The following RYR3 variants were observed in gnomAD, a reference collection of about 807,000 sequenced individuals.
RYR3 encodes the protein ryanodine receptor 3.
RYR3 carries 207 observed loss-of-function variants against 584.3 expected under a neutral mutation model. The observed-to-expected ratio is 0.35, with a 90% CI of 0.32 to 0.40. The LOEUF is 0.40. RYR3 is among the 10% of genes least tolerant of loss of function. The pLI, the probability that RYR3 is intolerant of heterozygous loss-of-function variation, is 1.00. For missense variants in RYR3, 5,616 were observed against 6,089.2 expected, an observed-to-expected ratio of 0.92 and a Z score of 2.59; for synonymous variants, 2,416 against 2,248.5, an observed-to-expected ratio of 1.07 and a Z score of -2.11.
At chr15:33,612,794 G>A (rs1567663321) in intron 18 of RYR3, among the ~76,000 whole-genome samples, 1 of 152,164 alleles carries the variant, frequency 6.6e-6, no homozygotes, top group African/African-American at 2.4e-5. Flanking sequence ...CAACTAAACA[G>A]ACACACACAC....
intron 75 of RYR3, among the ~76,000 whole-genome samples, chr15:33,817,930 A>G (rs891380649): frequency 1.3e-5 from 2 of 152,204 alleles, no homozygotes; most frequent in African/African-American, 4.8e-5. Flanking sequence ...TACCTCTGAC[A>G]TTAGCTGTTA....
chr15:33,610,639 T>A lies in RYR3; in HGVS notation c.2165-2544T>A, dbSNP rs115965924. On this transcript the variant is annotated intron_variant, in intron 18 of 103. Transcript: ENST00000634891. ...ACCATTTAAAAATTCACCACTTAGT[T>A]TAGAATCTGTTATAGGTTGAGTATC... is the stretch of plus-strand genomic sequence containing the variant. Among the ~76,000 whole-genome samples the A allele has an allele frequency of 9.4e-3, 1,439 of 152,340 alleles. 26 individuals are homozygous for A. The highest frequency in any genetic ancestry group is 0.032 in the African/African-American group (1,349 of 41,572).
intron 1 of RYR3, among the ~76,000 whole-genome samples, chr15:33,338,489 C>T (rs923870522): frequency 6.6e-6 from 1 of 152,062 alleles, no homozygotes; most frequent in Non-Finnish European, 1.5e-5. Flanking sequence ...GTCAGATGTG[C>T]GTTTGTGTCT....
chr15:33,590,987 A>G (rs892832627), intron 16 of RYR3, among the ~76,000 whole-genome samples: 1 of 152,202 alleles, frequency 6.6e-6, no homozygotes, highest in Non-Finnish European at 1.5e-5. Context: ...TTGAGGTCAA[A>G]AAGTTATAGG....
intron 36 of RYR3, among the ~76,000 whole-genome samples, chr15:33,667,246 AG>A (rs2063538275): frequency 6.6e-6 from 1 of 152,212 alleles, no homozygotes; most frequent in Non-Finnish European, 1.5e-5. Context: ...ATCCTGGCTG[AG>A]GCAGCAAAAT....
At chr15:33,738,401 G>T in intron 49 of RYR3, 49 bp from the exon 50 acceptor site, 1 of 1,563,862 alleles carries the variant, frequency 6.4e-7, no homozygotes, top group Middle Eastern at 1.8e-4. Flanking sequence ...GATGCCTGTG[G>T]ACTTTCTCTA....
At chr15:33,344,414 T>TAC (rs1972188975) in intron 1 of RYR3, among the ~76,000 whole-genome samples, 1 of 152,228 alleles carries the variant, frequency 6.6e-6, no homozygotes, top group African/African-American at 2.4e-5. Context: ...TGGGTATATA[T>TAC]ACACATTGAC....
intron 46 of RYR3, 130 bp downstream of exon 46, chr15:33,726,636 ACT>A (rs767985921): frequency 1.7e-5 from 16 of 953,462 alleles, no homozygotes; most frequent in Non-Finnish European, 2.4e-5. Context: ...CAAGTGTCTC[ACT>A]CTTTTTCCTG....
At chr15:33,385,202 G>A (rs1352807575) in intron 1 of RYR3, among the ~76,000 whole-genome samples, 1 of 152,124 alleles carries the variant, frequency 6.6e-6, no homozygotes, top group Non-Finnish European at 1.5e-5. Flanking sequence ...GATGCTGCGT[G>A]ATTAGTTAAT....
At chr15:33,402,623 ATTAAAC>A (rs1384882731) in intron 1 of RYR3, among the ~76,000 whole-genome samples, 3 of 152,230 alleles carry the variant, frequency 2.0e-5, no homozygotes, top group Non-Finnish European at 4.4e-5. Context: ...AACTTCACAT[ATTAAAC>A]AGCTTGGCTA....
intron 1 of RYR3, among the ~76,000 whole-genome samples, chr15:33,331,174 C>T (rs939883576): frequency 6.6e-6 from 1 of 152,096 alleles, no homozygotes; most frequent in Non-Finnish European, 1.5e-5. Context: ...CTAAAGTTAA[C>T]TTTTTTCTCG....
intron 43 of RYR3, among the ~76,000 whole-genome samples, chr15:33,718,934 G>A (rs2067697760): frequency 6.6e-6 from 1 of 152,148 alleles, no homozygotes; most frequent in Non-Finnish European, 1.5e-5. Context: ...GGCAAAACTA[G>A]TTTACCTCAA....
Position 33,628,521 on chromosome 15 carries a change from C to T in RYR3, c.2625C>T (p.Asn875=), listed in dbSNP as rs1229032104. ...LEKIRDRLAE[N]IHELWGMNKI... is the part of the protein sequence containing the mutation. ...AGATCCGAGACAGACTAGCTGAAAA[C>T]ATCCATGAGCTTTGGGGAATGAATA... Residue 875 remains asparagine, a synonymous_variant, in exon 21 of 104, where the codon AAC becomes AAT. Coordinates refer to ENST00000634891, the MANE Select transcript of RYR3 (RefSeq NM_001036.6). 6.2e-7 allele frequency: 1 copy of T among 1,613,800 alleles called. No individual in the cohort carries two copies. The highest frequency in any genetic ancestry group is 8.5e-7 in the Non-Finnish European group (1 of 1,179,728).
intron 3 of RYR3, among the ~76,000 whole-genome samples, chr15:33,505,429 T>C (rs1340094878): frequency 6.6e-6 from 1 of 152,252 alleles, no homozygotes; most frequent in African/African-American, 2.4e-5. Context: ...TTCATTTCCC[T>C]GTTCCTTGCA....
At position 33,739,663 on chromosome 15, in the gene RYR3, A is replaced by T. The variant is rs1426030678; in HGVS notation, c.7657-169A>T. Among the ~76,000 whole-genome samples, 4 of 106,076 alleles carry T rather than the reference A, an allele frequency of 3.8e-5. 1 individual carries two copies. The highest frequency in any genetic ancestry group is 7.8e-5 in the Non-Finnish European group (4 of 51,564). The allele number at this position is 106,076 out of a possible 152,430, so 69.6% of individuals were successfully genotyped here. On this transcript the variant is annotated intron_variant, in intron 50 of 103. Transcript: ENST00000634891. ...TATAGTGTTATTTCATTTTCCAAGG[A>T]TACCTGCATTTCCACCAGAAAATAT... is the stretch of plus-strand genomic sequence containing the variant.
chr15:33,722,255 C>T (rs1183441895), intron 43 of RYR3, among the ~76,000 whole-genome samples: 3 of 152,174 alleles, frequency 2.0e-5, no homozygotes, highest in Non-Finnish European at 4.4e-5. Context: ...TCCTTCTGTT[C>T]TCTGAGTCAC....
chr15:33,590,640 G>GTT (rs71117154), intron 16 of RYR3, among the ~76,000 whole-genome samples: 95,780 of 144,752 alleles, frequency 0.66, 31,902 homozygotes, highest in East Asian at 0.76. Context: ...TTTTCATAGG[G>GTT]TTTTTTTTTT....
chr15:33,824,027 ACC>A (rs1159159726), intron 81 of RYR3, among the ~76,000 whole-genome samples: 2 of 152,130 alleles, frequency 1.3e-5, no homozygotes, highest in African/African-American at 4.8e-5. Flanking sequence ...GCTTTTCCCC[ACC>A]AACAGTCTAT....
intron 10 of RYR3, among the ~76,000 whole-genome samples, chr15:33,551,363 A>T (rs1481078244): frequency 6.6e-6 from 1 of 152,176 alleles, no homozygotes; most frequent in Non-Finnish European, 1.5e-5. Flanking sequence ...GTTGTTGAGG[A>T]TTCTGTTCAT....
Sources: allele counts gnomAD v4.1 joint callset (sites outside exome capture counted in the v4.1 genomes callset), GRCh38; gene constraint gnomAD v4.1.1; transcripts MANE v1.5; gene names NCBI Gene and HGNC (gene_info 2026-07-23, HGNC 2026-07-21).